The following VIT variants were observed in gnomAD, a reference collection of about 807,000 sequenced individuals.
VIT encodes vitrin.
In VIT, 99 loss-of-function variants were observed where a neutral mutation model predicts 78.0. The ratio of observed to expected loss-of-function variants is 1.27; its 90% confidence interval spans 1.08 to 1.50. VIT has a LOEUF of 1.50. VIT is among the 40% of genes most tolerant of loss of function. VIT has a pLI of 0.00. For missense variants in VIT, 1,126 were observed against 875.3 expected (o/e 1.29, Z -3.61); for synonymous variants, 374 against 334.3 (o/e 1.12, Z -1.29).
chr2:36,718,249 T>C (rs1230827067), intron 2 of VIT, among the ~76,000 whole-genome samples: 1 of 151,696 alleles, frequency 6.6e-6, no homozygotes, highest in Non-Finnish European at 1.5e-5. Flanking sequence ...ATAATGAGAG[T>C]GCTTAAGGTC....
intron 12 of VIT, among the ~76,000 whole-genome samples, chr2:36,792,450 C>T (rs901720364): frequency 2.6e-5 from 4 of 152,052 alleles, no homozygotes; most frequent in African/African-American, 4.8e-5. Flanking sequence ...TACATACAAA[C>T]GACTGCGCTT....
chr2:36,814,301 G>T lies in VIT; in HGVS notation c.2022G>T (p.Gln674His). ...TGGACGAGTTTGACAACCTCCATCAGTATGTCCCCAGGATCATCCAGAACA... is the reference window on the plus strand; with the variant it reads ...TGGACGAGTTTGACAACCTCCATCATTATGTCCCCAGGATCATCCAGAACA... Reference protein sequence around the residue: ...FFVDEFDNLHQYVPRIIQNIC... With the variant: ...FFVDEFDNLHHYVPRIIQNIC... Residue 674 changes from glutamine to histidine, a missense_variant, in exon 16 of 16, where the codon CAG becomes CAT. Physicochemically the swap from Gln to His is conservative, Grantham distance 24 (BLOSUM62 0). Coordinates refer to ENST00000379242, the MANE Select transcript of VIT (RefSeq NM_053276.4). 6.2e-7 allele frequency: 1 copy of T among 1,614,214 alleles called. No homozygotes were observed. The highest frequency in any genetic ancestry group is 1.6e-4 in the Middle Eastern group (1 of 6,062).
chr2:36,730,006 T>A (rs920065063), intron 3 of VIT, among the ~76,000 whole-genome samples: 1 of 152,186 alleles, frequency 6.6e-6, no homozygotes, highest in Non-Finnish European at 1.5e-5. Flanking sequence ...ACAGAAAATC[T>A]GGAATAAGGC....
chr2:36,707,886 A>G (rs1432817239), intron 1 of VIT, among the ~76,000 whole-genome samples: 1 of 151,270 alleles, frequency 6.6e-6, no homozygotes, highest in Non-Finnish European at 1.5e-5. Flanking sequence ...GGAAGTAAAG[A>G]AGAATTGGGA....
intron 3 of VIT, among the ~76,000 whole-genome samples, chr2:36,733,541 T>C (rs1327867718): frequency 6.6e-6 from 1 of 150,454 alleles, no homozygotes; most frequent in Non-Finnish European, 1.5e-5. Context: ...AACAACTCCT[T>C]TGTAGCAATA....
intron 2 of VIT, among the ~76,000 whole-genome samples, chr2:36,717,116 C>G (rs1299330179): frequency 6.6e-6 from 1 of 151,594 alleles, no homozygotes; most frequent in East Asian, 1.9e-4. Context: ...ACCTCGTGAT[C>G]CGTCCACCTC....
intron 11 of VIT, 25 bp downstream of exon 11, chr2:36,783,427 C>G (rs1217536286): frequency 2.5e-6 from 4 of 1,612,818 alleles, no homozygotes; most frequent in Non-Finnish European, 3.4e-6. Context: ...AACTAGAAAC[C>G]CACGGTGTCT....
At chr2:36,729,395 G>T in intron 2 of VIT, 31 bp from the exon 3 acceptor site, 2 of 1,555,106 alleles carry the variant, frequency 1.3e-6, no homozygotes, top group South Asian at 2.4e-5. Context: ...AAATAAAATT[G>T]ATTAAATTTT....
At chr2:36,793,820 A>G (rs890480377) in intron 12 of VIT, among the ~76,000 whole-genome samples, 1 of 152,224 alleles carries the variant, frequency 6.6e-6, no homozygotes, top group South Asian at 2.1e-4. Flanking sequence ...TCAGAGTGTC[A>G]TGGGGTAAAC....
intron 1 of VIT, among the ~76,000 whole-genome samples, chr2:36,708,249 A>G (rs1475044982): frequency 1.3e-5 from 2 of 152,078 alleles, no homozygotes; most frequent in Non-Finnish European, 1.5e-5. Flanking sequence ...CTCCCCATTC[A>G]GAGATGTCTG....
intron 12 of VIT, among the ~76,000 whole-genome samples, chr2:36,791,226 G>A (rs574968729): frequency 6.6e-6 from 1 of 152,222 alleles, no homozygotes; most frequent in South Asian, 2.1e-4. Flanking sequence ...TGACTTGGCC[G>A]CATCTCCTCA....
chr2:36,791,987 G>A (rs556448768), intron 12 of VIT, among the ~76,000 whole-genome samples: 1 of 152,232 alleles, frequency 6.6e-6, no homozygotes, highest in South Asian at 2.1e-4. Flanking sequence ...GCTGGGATGG[G>A]GGCTGGCAGA....
intron 3 of VIT, among the ~76,000 whole-genome samples, chr2:36,734,517 G>C (rs1258589460): frequency 6.6e-6 from 1 of 152,124 alleles, no homozygotes; most frequent in Non-Finnish European, 1.5e-5. Context: ...CTGTTGCCTG[G>C]TAGCAGATAA....
intron 1 of VIT, among the ~76,000 whole-genome samples, chr2:36,710,376 G>T (rs955413972): frequency 2.6e-5 from 4 of 152,062 alleles, no homozygotes; most frequent in Non-Finnish European, 4.4e-5. Context: ...TAGTGAAAAC[G>T]CCTCCTACTC....
At chr2:36,726,664 C>CA in intron 2 of VIT, among the ~76,000 whole-genome samples, 1 of 151,792 alleles carries the variant, frequency 6.6e-6, no homozygotes, top group Non-Finnish European at 1.5e-5. Flanking sequence ...ACTAAAAATA[C>CA]AAAAATTAGC....
chr2:36,710,376 G>A (rs955413972), intron 1 of VIT, among the ~76,000 whole-genome samples: 33 of 152,062 alleles, frequency 2.2e-4, no homozygotes, highest in African/African-American at 6.8e-4. Context: ...TAGTGAAAAC[G>A]CCTCCTACTC....
chr2:36,758,867 T>C, intron 5 of VIT, 102 bp from the exon 6 acceptor site: 2 of 1,007,878 alleles, frequency 2.0e-6, no homozygotes, highest in African/African-American at 3.2e-5. Flanking sequence ...TTTATTGAAC[T>C]GAAGAGAGAT....
At chr2:36,809,637 C>T (rs1259713961) in intron 15 of VIT, among the ~76,000 whole-genome samples, 1 of 152,108 alleles carries the variant, frequency 6.6e-6, no homozygotes, top group Non-Finnish European at 1.5e-5. Context: ...ACGATGGTCT[C>T]GAACTCCTGA....
At chr2:36,772,817 G>A (rs1669839986) in intron 7 of VIT, among the ~76,000 whole-genome samples, 2 of 152,212 alleles carry the variant, frequency 1.3e-5, no homozygotes, top group Non-Finnish European at 2.9e-5. Context: ...CCAGTTCTAA[G>A]ACAAATTGAT....
Sources: allele counts gnomAD v4.1 joint callset (sites outside exome capture counted in the v4.1 genomes callset), GRCh38; gene constraint gnomAD v4.1.1; transcripts MANE v1.5; gene names NCBI Gene and HGNC (gene_info 2026-07-23, HGNC 2026-07-21).